The following RIMS2 variants were observed in gnomAD, a reference collection of about 807,000 sequenced individuals.
RIMS2 encodes regulating synaptic membrane exocytosis protein 2.
A neutral mutation model predicts 174.4 loss-of-function variants in RIMS2; 59 were observed. The ratio of observed to expected loss-of-function variants is 0.34; its 90% CI spans 0.27 to 0.42. RIMS2 has a LOEUF of 0.42. RIMS2 is among the 10% of genes least tolerant of loss of function. RIMS2 has a pLI of 1.00. For synonymous variants in RIMS2, 606 were observed against 572.5 expected, an observed-to-expected ratio of 1.06 and a Z score of -0.84; for missense variants, 1,620 against 1,666.3, an observed-to-expected ratio of 0.97 and a Z score of 0.48.
intron 19 of RIMS2, among the ~76,000 whole-genome samples, chr8:104,169,620 A>G (rs181497342): frequency 4.9e-4 from 74 of 151,790 alleles, no homozygotes; most frequent in Admixed American, 2.6e-3. Flanking sequence ...TATCTTTTCA[A>G]AGAACCAGCT....
At chr8:103,507,045 T>A (rs1032665071) in intron 1 of RIMS2, among the ~76,000 whole-genome samples, 1 of 152,148 alleles carries the variant, frequency 6.6e-6, no homozygotes, top group African/African-American at 2.4e-5. Context: ...CCTATTTGTC[T>A]TATTCACATT....
chr8:103,673,659 A>G (rs2096773752), intron 1 of RIMS2, among the ~76,000 whole-genome samples: 1 of 152,186 alleles, frequency 6.6e-6, no homozygotes, highest in African/African-American at 2.4e-5. Flanking sequence ...CTGTTCTCCC[A>G]GGCCTCAGTG....
chr8:103,985,937 A>G (rs898070228), intron 16 of RIMS2, among the ~76,000 whole-genome samples: 6 of 152,176 alleles, frequency 3.9e-5, no homozygotes, highest in Non-Finnish European at 8.8e-5. Flanking sequence ...AAGCAGAGAA[A>G]AGAGCCTGGT....
At chr8:103,803,758 G>A (rs535763833) in intron 3 of RIMS2, among the ~76,000 whole-genome samples, 1 of 152,284 alleles carries the variant, frequency 6.6e-6, no homozygotes, top group East Asian at 1.9e-4. Flanking sequence ...TGTTGTAAAA[G>A]GGCTGTGAGA....
chr8:104,011,858 A>C (rs1306392804), intron 17 of RIMS2, among the ~76,000 whole-genome samples: 1 of 152,004 alleles, frequency 6.6e-6, no homozygotes, highest in Non-Finnish European at 1.5e-5. Flanking sequence ...TAATACATAG[A>C]TATACCCTTT....
At chr8:103,656,285 A>G (rs2096530595) in intron 1 of RIMS2, among the ~76,000 whole-genome samples, 2 of 152,134 alleles carry the variant, frequency 1.3e-5, no homozygotes, top group African/African-American at 4.8e-5. Flanking sequence ...TACATTTTGA[A>G]CTTTTAAAAT....
chr8:104,150,402 G>C (rs2098679744), intron 19 of RIMS2, among the ~76,000 whole-genome samples: 1 of 152,196 alleles, frequency 6.6e-6, no homozygotes, highest in Non-Finnish European at 1.5e-5. Context: ...CAGTCTAATA[G>C]AGGACAGATA....
intron 1 of RIMS2, among the ~76,000 whole-genome samples, chr8:103,521,298 A>G (rs572092125): frequency 6.6e-6 from 1 of 151,948 alleles, no homozygotes; most frequent in Non-Finnish European, 1.5e-5. Context: ...TAATAAAATT[A>G]AAAAAAACCA....
chr8:103,648,212 A>G (rs558910487), intron 1 of RIMS2, among the ~76,000 whole-genome samples: 27 of 152,148 alleles, frequency 1.8e-4, no homozygotes, highest in African/African-American at 6.5e-4. Flanking sequence ...TTCAATTTCA[A>G]TGTAGTTGTG....
intron 19 of RIMS2, among the ~76,000 whole-genome samples, chr8:104,181,011 G>A (rs575584448): frequency 7.3e-5 from 11 of 151,708 alleles, no homozygotes; most frequent in African/African-American, 1.2e-4. Context: ...TAATTCTTTC[G>A]AAGCTATTTG....
intron 19 of RIMS2, among the ~76,000 whole-genome samples, chr8:104,113,926 G>C (rs140674847): frequency 1.5e-4 from 23 of 151,844 alleles, no homozygotes; most frequent in African/African-American, 5.5e-4. Context: ...TATAAGGTTA[G>C]ATAATGGATT....
chr8:104,046,968 A>G (rs1167337078), intron 19 of RIMS2, among the ~76,000 whole-genome samples: 1 of 152,092 alleles, frequency 6.6e-6, no homozygotes, highest in Non-Finnish European at 1.5e-5. Context: ...CAAATGAAAT[A>G]TATGTACGTA....
intron 14 of RIMS2, among the ~76,000 whole-genome samples, chr8:103,957,917 GT>G: frequency 6.6e-6 from 1 of 152,272 alleles, no homozygotes; most frequent in Non-Finnish European, 1.5e-5. Flanking sequence ...TGCTGGCAAG[GT>G]TGTGGAGAAA....
chr8:103,528,723 A>G (rs1835364372), intron 1 of RIMS2, among the ~76,000 whole-genome samples: 1 of 152,080 alleles, frequency 6.6e-6, no homozygotes, highest in Non-Finnish European at 1.5e-5. Flanking sequence ...ATTATTTCTG[A>G]GGGCTCTGTT....
chr8:103,703,828 A>G (rs537275573), intron 2 of RIMS2, among the ~76,000 whole-genome samples: 4 of 151,958 alleles, frequency 2.6e-5, no homozygotes, highest in Non-Finnish European at 5.9e-5. Flanking sequence ...TGATTTTTGT[A>G]TGTTGATTTT....
intron 1 of RIMS2, among the ~76,000 whole-genome samples, chr8:103,663,804 A>C (rs2096633554): frequency 6.6e-6 from 1 of 152,220 alleles, no homozygotes; most frequent in Admixed American, 6.5e-5. Context: ...ATATGGAACC[A>C]AAAAAGAGCC....
At chr8:103,800,866 T>A (rs1370603087) in intron 3 of RIMS2, among the ~76,000 whole-genome samples, 2 of 152,208 alleles carry the variant, frequency 1.3e-5, no homozygotes, top group Non-Finnish European at 2.9e-5. Flanking sequence ...TCTTCTATCT[T>A]CAATTTTCTA....
Position 103,652,611 on chromosome 8 carries a change from C to T in RIMS2, c.177-44475C>T. The T allele has an allele frequency of 7.6e-7, 1 of 1,314,806 alleles. No homozygotes were observed. Among genetic ancestry groups the T allele is most frequent in the Non-Finnish European group, 1.0e-6 (1 of 990,620 alleles). The allele number at this position is 1,314,806 out of a possible 1,614,324, so 81.4% of individuals were successfully genotyped here. On this transcript the variant is annotated intron_variant, in intron 1 of 23. Transcript: ENST00000504942. ...TTTGGTTATTCAGTCACATTATTTG[C>T]TTATTTAAACAGGTGGTTTCCCTTT...
intron 2 of RIMS2, among the ~76,000 whole-genome samples, chr8:103,756,600 A>AT (rs1447512607): frequency 6.6e-6 from 1 of 150,902 alleles, no homozygotes; most frequent in Non-Finnish European, 1.5e-5. Flanking sequence ...TAATTGTTTA[A>AT]TTTTTTGTAG....
Sources: allele counts gnomAD v4.1 joint callset (sites outside exome capture counted in the v4.1 genomes callset), GRCh38; gene constraint gnomAD v4.1.1; transcripts MANE v1.5; gene names NCBI Gene and HGNC (gene_info 2026-07-23, HGNC 2026-07-21).